SLCO4C1: variants seen among roughly 807,000 people sequenced by gnomAD.
SLCO4C1 encodes the protein solute carrier organic anion transporter family member 4C1.
SLCO4C1 carries 58 observed loss-of-function variants against 72.1 expected under a neutral mutation model. The ratio of observed to expected loss-of-function variants is 0.80; its 90% CI spans 0.65 to 1.00. The LOEUF (loss-of-function observed/expected upper bound fraction) is 1.00, where lower values mean the gene tolerates loss of function less well. Among genes scored for constraint, SLCO4C1 ranks in the 50% least tolerant of loss-of-function variants. The pLI is 0.00. For synonymous variants in SLCO4C1, 297 were observed against 312.5 expected (o/e 0.95, Z 0.52); for missense variants, 898 against 857.9 (o/e 1.05, Z -0.58).
chr5:102,282,698 G>A (rs897619380), intron 2 of SLCO4C1, among the ~76,000 whole-genome samples: 1 of 152,128 alleles, frequency 6.6e-6, no homozygotes, highest in African/African-American at 2.4e-5. Flanking sequence ...GTGTTTGTGA[G>A]AATGTGATGT....
At chr5:102,292,528 A>G (rs1749575787) in intron 1 of SLCO4C1, among the ~76,000 whole-genome samples, 1 of 152,216 alleles carries the variant, frequency 6.6e-6, no homozygotes, top group African/African-American at 2.4e-5. Flanking sequence ...TCAAACCCCT[A>G]TATTTTTCTA....
intron 1 of SLCO4C1, 46 bp from the exon 2 acceptor site, chr5:102,291,652 C>T (rs745840816): frequency 9.5e-6 from 14 of 1,474,500 alleles, no homozygotes; most frequent in Admixed American, 2.1e-5. Context: ...TTTTACCATA[C>T]GATTAAGATT....
chr5:102,294,485 T>C (rs1749612189), intron 1 of SLCO4C1, among the ~76,000 whole-genome samples: 4 of 152,210 alleles, frequency 2.6e-5, no homozygotes, highest in Admixed American at 2.0e-4. Context: ...TTATATTAAA[T>C]ATAAAATGTT....
chr5:102,265,449 T>C (rs1258185030), intron 3 of SLCO4C1, among the ~76,000 whole-genome samples: 2 of 152,182 alleles, frequency 1.3e-5, no homozygotes, highest in African/African-American at 4.8e-5. Flanking sequence ...TTTATAGTTC[T>C]GAGTCTTACA....
At chr5:102,277,127 C>T (rs1749261028) in intron 2 of SLCO4C1, among the ~76,000 whole-genome samples, 1 of 152,112 alleles carries the variant, frequency 6.6e-6, no homozygotes, top group Non-Finnish European at 1.5e-5. Flanking sequence ...AGAAAATTAT[C>T]ATCATTCTAG....
chr5:102,281,882 G>A (rs541475181), intron 2 of SLCO4C1, among the ~76,000 whole-genome samples: 17 of 152,168 alleles, frequency 1.1e-4, no homozygotes, highest in Non-Finnish European at 1.8e-4. Context: ...ATTTTCATAT[G>A]ACCCAGCAGT....
At chr5:102,268,417 C>A (rs1749085726) in intron 3 of SLCO4C1, among the ~76,000 whole-genome samples, 1 of 152,100 alleles carries the variant, frequency 6.6e-6, no homozygotes, top group African/African-American at 2.4e-5. Context: ...AATATAGCTA[C>A]TGCCACACCC....
At chr5:102,251,315 A>T (rs1486033065) in intron 8 of SLCO4C1, among the ~76,000 whole-genome samples, 1 of 152,240 alleles carries the variant, frequency 6.6e-6, no homozygotes, top group African/African-American at 2.4e-5. Flanking sequence ...AAAGGGGACC[A>T]GTTACAATAC....
intron 2 of SLCO4C1, among the ~76,000 whole-genome samples, chr5:102,272,525 T>C (rs533664961): frequency 6.6e-6 from 1 of 152,058 alleles, no homozygotes; most frequent in East Asian, 1.9e-4. Context: ...AAATGGCTAG[T>C]AAGGGAGAAC....
In SLCO4C1 at chr5:102,266,544, G is replaced by A. The variant is rs565420624; in HGVS notation, c.803-2764C>T. On this transcript the variant is annotated intron_variant, in intron 3 of 12. Transcript: ENST00000310954. ...AGGTGCCTGTAATCCCAGCTACTTG[G>A]GAGGCTGAGGCAGGAGAATCACTTA... Among the ~76,000 whole-genome samples the A allele has an allele frequency of 9.9e-5, 15 of 152,254 alleles. No individual in the cohort carries two copies. The East Asian group carries it at 2.7e-3, about 27-fold the overall frequency.
intron 2 of SLCO4C1, among the ~76,000 whole-genome samples, chr5:102,284,305 T>C (rs1749409318): frequency 6.6e-6 from 1 of 152,172 alleles, no homozygotes; most frequent in Non-Finnish European, 1.5e-5. Context: ...TTCATTAATA[T>C]ATGTGACAAC....
intron 12 of SLCO4C1, 24 bp from the exon 13 acceptor site, chr5:102,237,042 A>T (rs772475172): frequency 1.2e-5 from 18 of 1,551,182 alleles, no homozygotes; most frequent in Non-Finnish European, 1.6e-5. Flanking sequence ...AAAATTAATC[A>T]TGTGCTTTTG....
intron 2 of SLCO4C1, among the ~76,000 whole-genome samples, chr5:102,277,652 T>C (rs968712132): frequency 6.6e-6 from 1 of 152,010 alleles, no homozygotes; most frequent in African/African-American, 2.4e-5. Flanking sequence ...TAGGTGTCAA[T>C]TGAGGCCAAG....
chr5:102,237,166 AGGGG>A, intron 12 of SLCO4C1, 148 bp from the exon 13 acceptor site: 1 of 817,992 alleles, frequency 1.2e-6, no homozygotes, highest in Non-Finnish European at 1.8e-6. Context: ...TGAAACATTA[AGGGG>A]AAAGAAAAAA....
intron 10 of SLCO4C1, among the ~76,000 whole-genome samples, chr5:102,243,901 T>C (rs1477174968): frequency 6.6e-6 from 1 of 152,142 alleles, no homozygotes; most frequent in East Asian, 1.9e-4. Flanking sequence ...TGAAATAATA[T>C]TGGCCAGGCA....
At chr5:102,249,312 T>G (rs536628613) in intron 9 of SLCO4C1, among the ~76,000 whole-genome samples, 66 of 152,222 alleles carry the variant, frequency 4.3e-4, no homozygotes, top group African/African-American at 1.5e-3. Flanking sequence ...GTATGGCATA[T>G]TTGGGTATAT....
rs1480756492 is a variant in SLCO4C1 at position 102,235,191 on chromosome 5, A to G, written c.*1667T>C. 6.6e-6 allele frequency: 1 copy of G among 152,168 alleles called. No homozygotes were observed. Among genetic ancestry groups the G allele is most frequent in the Non-Finnish European group, 1.5e-5 (1 of 68,034 alleles). The allele number at this position is 152,168 out of a possible 1,614,324, so 9.4% of individuals were successfully genotyped here. A position where few individuals can be genotyped will look rare whatever the true frequency, so the allele number is the denominator to read the frequency against. On this transcript the variant is annotated 3_prime_UTR_variant, in exon 13 of 13. Coordinates refer to ENST00000310954, the MANE Select transcript of SLCO4C1 (RefSeq NM_180991.5). ...ATTTCTTAAATTCTGCAAATTTCTA[A>G]TGTTTCTAATCTTGGTTTCCTACAA... is the stretch of plus-strand genomic sequence containing the variant.
At chr5:102,281,881 T>C (rs1341145496) in intron 2 of SLCO4C1, among the ~76,000 whole-genome samples, 1 of 152,138 alleles carries the variant, frequency 6.6e-6, no homozygotes, top group Admixed American at 6.6e-5. Context: ...AATTTTCATA[T>C]GACCCAGCAG....
intron 3 of SLCO4C1, among the ~76,000 whole-genome samples, chr5:102,266,672 G>GA (rs148728058): frequency 0.15 from 22,491 of 151,252 alleles, 1,939 homozygotes; most frequent in African/African-American, 0.2. Context: ...GAAAAGAAAA[G>GA]AAAAAAAACA....
Sources: allele counts gnomAD v4.1 joint callset (sites outside exome capture counted in the v4.1 genomes callset), GRCh38; gene constraint gnomAD v4.1.1; transcripts MANE v1.5; gene names NCBI Gene and HGNC (gene_info 2026-07-23, HGNC 2026-07-21).